Variants in STEAP3 observed in about 807,000 individuals in gnomAD.
STEAP3 encodes the protein STEAP3 metalloreductase, also known as metalloreductase STEAP3.
In STEAP3, 35 loss-of-function variants were observed where a neutral mutation model predicts 34.9. That is an observed-to-expected ratio of 1.00 (90% CI 0.76 to 1.33). STEAP3 has a LOEUF of 1.33. Among genes scored for constraint, STEAP3 ranks in the 40% most tolerant of loss-of-function variants. The pLI, the probability that STEAP3 is intolerant of heterozygous loss-of-function variation, is 0.00. For missense variants in STEAP3, 652 were observed against 667.6 expected, an observed-to-expected ratio of 0.98 and a Z score of 0.26; for synonymous variants, 281 against 301.6, an observed-to-expected ratio of 0.93 and a Z score of 0.71.
intron 2 of STEAP3, among the ~76,000 whole-genome samples, chr2:119,231,391 A>T (rs1270886093): frequency 4.6e-5 from 5 of 109,052 alleles, no homozygotes; most frequent in African/African-American, 1.5e-4. Context: ...GTGTTTAAGG[A>T]TGTTAATGTT....
rs537722412 is a variant in STEAP3, at chr2:119,245,208, C to G, written c.23-281C>G. On this transcript the variant is annotated intron_variant, in intron 2 of 5. Coordinates refer to ENST00000393110, the MANE Select transcript of STEAP3 (RefSeq NM_182915.3). ...AATTCCAGAGTTCCCTTTCCCAGCA[C>G]TCTCACTCTGCCAGTTTTTCCCGAG... The G allele has an allele frequency of 2.0e-5, 9 of 443,576 alleles. 1 individual carries two copies. The highest frequency in any genetic ancestry group is 1.7e-4 in the African/African-American group (9 of 51,968). 27.5% of individuals were successfully genotyped at this position (443,576 alleles called of 1,614,324 possible).
In STEAP3 at chr2:119,260,735, C is replaced by T. The variant is rs148819016; in HGVS notation, c.1216-2322C>T. On this transcript the variant is annotated intron_variant, in intron 5 of 5. Coordinates refer to ENST00000393110, the MANE Select transcript of STEAP3 (RefSeq NM_182915.3). ...TCTTGACAGACACTTCTGGAAGTGG[C>T]AAGGATTTGCTTATGTGCAACTGAC... 3.5e-3 allele frequency among the ~76,000 whole-genome samples: 536 copies of T among 152,282 alleles called. 4 individuals are homozygous for T. The highest frequency in any genetic ancestry group is 0.012 in the African/African-American group (500 of 41,554).
At chr2:119,248,639 C>T in intron 4 of STEAP3, 1 of 162,548 alleles carries the variant, frequency 6.2e-6, no homozygotes, top group Non-Finnish European at 1.3e-5. Context: ...TTGCAGGCCA[C>T]GGGGCATAGT....
rs1200415492 is a variant in STEAP3, at chr2:119,263,200, C to G, written c.1359C>G (p.Ile453Met). ...TLTLLVPCVV[I>M]LAKALFLLPC... ...CGCTGCTGGTGCCCTGCGTCGTCATCCTGGCCAAAGCCCTGTTTCTCCTGC... is the reference window on the plus strand; with the variant it reads ...CGCTGCTGGTGCCCTGCGTCGTCATGCTGGCCAAAGCCCTGTTTCTCCTGC... Residue 453 changes from isoleucine to methionine, a missense_variant, in exon 6 of 6, where the codon ATC (isoleucine) becomes ATG (methionine). Coordinates refer to ENST00000393110, the MANE Select transcript of STEAP3 (RefSeq NM_182915.3). The G allele has an allele frequency of 2.5e-6, 4 of 1,614,206 alleles. No individual in the cohort carries two copies. Among genetic ancestry groups the G allele is most frequent in the African/African-American group, 2.7e-5 (2 of 75,056 alleles).
intron 1 of STEAP3, among the ~76,000 whole-genome samples, chr2:119,224,267 A>G (rs1017573418): frequency 2.6e-5 from 4 of 152,100 alleles, no homozygotes; most frequent in African/African-American, 9.7e-5. Flanking sequence ...CAGCGGTCCC[A>G]AAGGAGGGCT....
chr2:119,246,081 TC>T (rs1179047574), intron 3 of STEAP3, 93 bp downstream of exon 3: 1 of 1,463,614 alleles, frequency 6.8e-7, no homozygotes, highest in African/African-American at 1.4e-5. Flanking sequence ...TGATATGTTA[TC>T]ATAACTAATC....
In STEAP3 at chr2:119,263,050, T is replaced by C. The variant is rs776470054; in HGVS notation, c.1216-7T>C. The C allele has an allele frequency of 6.3e-7, 1 of 1,599,660 alleles. No individual in the cohort carries two copies. The highest frequency in any genetic ancestry group is 2.2e-5 in the East Asian group (1 of 44,790). The stretch of plus-strand genomic sequence containing the variant: ...GCCCTCACTCCAGCCTTTTTTTCCC[T>C]CCACAGTCCTCACTGGGCTTTGTGG... On this transcript the variant is annotated splice_polypyrimidine_tract_variant and splice_region_variant and intron_variant, in intron 5 of 5. Transcript: ENST00000393110.
At chr2:119,226,565 A>G (rs1679046410) in intron 1 of STEAP3, among the ~76,000 whole-genome samples, 1 of 152,080 alleles carries the variant, frequency 6.6e-6, no homozygotes, top group Non-Finnish European at 1.5e-5. Context: ...CAGAACTTGG[A>G]GAGGAGAGGG....
chr2:119,226,013 A>ACTAGCTTTC (rs1679029224), intron 1 of STEAP3, among the ~76,000 whole-genome samples: 1 of 152,246 alleles, frequency 6.6e-6, no homozygotes, highest in Non-Finnish European at 1.5e-5. Context: ...AGACCGAACC[A>ACTAGCTTTC]CTAGCTTTCC....
At position 119,263,039 on chromosome 2, in the gene STEAP3, C is replaced by CT. The variant is rs765728429; in HGVS notation, c.1216-11dup. On this transcript the variant is annotated splice_polypyrimidine_tract_variant and intron_variant, in intron 5 of 5. Transcript: ENST00000393110. ...GTCATCCCCTCGCCCTCACTCCAGC[C>CT]TTTTTTTCCCTCCACAGTCCTCACT... 19 of 1,597,490 alleles carry CT rather than the reference C, an allele frequency of 1.2e-5. No homozygotes were observed. In the African/African-American group the frequency reaches 2.4e-4, roughly 20 times the overall value.
At chr2:119,235,175 G>C (rs1260411660) in intron 2 of STEAP3, among the ~76,000 whole-genome samples, 2 of 152,178 alleles carry the variant, frequency 1.3e-5, no homozygotes, top group Non-Finnish European at 2.9e-5. Flanking sequence ...CCAGGGAGTG[G>C]TCCCCATGGG....
chr2:119,231,342 C>CGTGTGTGTGTGTGT lies in STEAP3; in HGVS notation c.22+337_22+350dup, dbSNP rs6146901. On this transcript the variant is annotated intron_variant, in intron 2 of 5. Transcript: ENST00000393110. ...TTCAAGGATTTATCACACACAGTTG[C>CGTGTGTGTGTGTGT]GTGTGTGTGTGTGTGTGTGTGTGTG... 9.8e-3 allele frequency among the ~76,000 whole-genome samples: 1,410 copies of CGTGTGTGTGTGTGT among 143,570 alleles called. 30 individuals carry two copies. The highest frequency in any genetic ancestry group is 0.033 in the East Asian group (155 of 4,740). 94.2% of individuals were successfully genotyped at this position (143,570 alleles called of 152,430 possible).
At chr2:119,233,851 A>AAGCTGTTGCAAAAGTCAG (rs1677014821) in intron 2 of STEAP3, among the ~76,000 whole-genome samples, 1 of 152,164 alleles carries the variant, frequency 6.6e-6, no homozygotes, top group African/African-American at 2.4e-5. Context: ...GCGAACATCA[A>AAGCTGTTGCAAAAGTCAG]AGCTGTTGCA....
Position 119,263,289 on chromosome 2 carries a change from T to A in STEAP3, c.1448T>A (p.Phe483Tyr), listed in dbSNP as rs886518078. ...TGGGAGAGGGAGAGCACCATCAAGT[T>A]CACGCTGCCCACAGACCACGCCCTG... The part of the protein sequence containing the change: ...RGWERESTIK[F>Y]TLPTDHALAE... Residue 483 changes from phenylalanine to tyrosine, a missense_variant, in exon 6 of 6, where the codon TTC becomes TAC. Coordinates refer to ENST00000393110, the MANE Select transcript of STEAP3 (RefSeq NM_182915.3). 2.5e-6 allele frequency: 4 copies of A among 1,613,716 alleles called. No homozygotes were observed. Among genetic ancestry groups the A allele is most frequent in the Non-Finnish European group, 3.4e-6 (4 of 1,179,978 alleles).
chr2:119,263,623 G>A lies in STEAP3; in HGVS notation c.*285G>A, dbSNP rs1293836835. The A allele has an allele frequency of 2.0e-5, 10 of 508,700 alleles. No individual in the cohort carries two copies. The highest frequency in any genetic ancestry group is 1.8e-5 in the Non-Finnish European group (5 of 281,552). 31.5% of individuals were successfully genotyped at this position (508,700 alleles called of 1,614,324 possible). On this transcript the variant is annotated 3_prime_UTR_variant, in exon 6 of 6. Coordinates refer to ENST00000393110, the MANE Select transcript of STEAP3 (RefSeq NM_182915.3). ...TTTCAACTTGTAGATTTAAAAACAA[G>A]TGCCGTACGTTAAGAGAAGAGCAGA... is the stretch of plus-strand genomic sequence containing the variant.
At chr2:119,257,353 A>G in intron 5 of STEAP3, 1 of 1,345,914 alleles carries the variant, frequency 7.4e-7, no homozygotes, top group South Asian at 2.0e-5. Flanking sequence ...AGAAACAGAG[A>G]TAACCCAGGC....
chr2:119,232,059 G>C (rs879266109), intron 2 of STEAP3, among the ~76,000 whole-genome samples: 6 of 152,192 alleles, frequency 3.9e-5, no homozygotes, highest in Admixed American at 1.3e-4. Context: ...TGCAGAAACA[G>C]CCTGAGAATG....
At chr2:119,257,033 C>T (rs838073) in intron 5 of STEAP3, among the ~76,000 whole-genome samples, 92,085 of 152,028 alleles carry the variant, frequency 0.61, 28,879 homozygotes, top group African/African-American at 0.77. Flanking sequence ...GACAGTGAGA[C>T]AGAGGCCAAG....
At chr2:119,261,716 A>G (rs543657963) in intron 5 of STEAP3, among the ~76,000 whole-genome samples, 5 of 152,336 alleles carry the variant, frequency 3.3e-5, no homozygotes, top group African/African-American at 1.2e-4. Flanking sequence ...TAGAACCTGC[A>G]TCTCTTCCTT....
Sources: gnomAD v4.1 joint callset for allele counts (sites outside exome capture counted in the v4.1 genomes callset) on GRCh38, gnomAD v4.1.1 for gene constraint, MANE v1.5 for transcripts, NCBI Gene and HGNC (gene_info 2026-07-23, HGNC 2026-07-21) for gene names.